Variants in CDH23 observed in about 807,000 individuals in gnomAD.
CDH23 encodes the protein cadherin related 23, also known as cadherin-23.
Under a neutral mutation model 317.1 loss-of-function variants are expected in CDH23, and 189 were observed. That is an observed-to-expected ratio of 0.60 (90% CI 0.53 to 0.67). The LOEUF is 0.67. Ranked by LOEUF, CDH23 falls within the 30% of genes least tolerant of loss-of-function variation. CDH23 has a pLI of 0.00. For missense variants in CDH23, 4,401 were observed against 4,592.4 expected (o/e 0.96, Z 1.20); for synonymous variants, 1,839 against 1,876.8 (o/e 0.98, Z 0.52).
At chr10:71,422,456 A>G (rs1392679821) in intron 1 of CDH23, among the ~76,000 whole-genome samples, 1 of 152,198 alleles carries the variant, frequency 6.6e-6, no homozygotes, top group African/African-American at 2.4e-5. Flanking sequence ...ATGAAGTTCT[A>G]TAGAAAGTTT....
intron 30 of CDH23, among the ~76,000 whole-genome samples, chr10:71,727,082 C>T (rs939633732): frequency 9.2e-5 from 14 of 152,236 alleles, no homozygotes; most frequent in African/African-American, 2.9e-4. Flanking sequence ...AACCCTCACA[C>T]GTGCCCGATA....
At chr10:71,768,572 C>T (rs867468264) in intron 38 of CDH23, among the ~76,000 whole-genome samples, 2 of 152,108 alleles carry the variant, frequency 1.3e-5, no homozygotes, top group Non-Finnish European at 2.9e-5. Context: ...AACTCATGGG[C>T]TCAAGTTATC....
intron 17 of CDH23, among the ~76,000 whole-genome samples, chr10:71,680,301 A>ACCT (rs1589325663): frequency 1.3e-5 from 2 of 151,950 alleles, no homozygotes; most frequent in Non-Finnish European, 1.5e-5. Flanking sequence ...CTCATTTAAC[A>ACCT]CCTCCTCCTT....
chr10:71,496,288 T>C (rs1409028186), intron 3 of CDH23, among the ~76,000 whole-genome samples: 1 of 152,214 alleles, frequency 6.6e-6, no homozygotes, highest in Admixed American at 6.5e-5. Flanking sequence ...CTTTTTAATA[T>C]TGGGATTGGA....
At chr10:71,677,269 G>A (rs185586480) in intron 15 of CDH23, among the ~76,000 whole-genome samples, 187 bp from the exon 16 acceptor site, 4 of 146,052 alleles carry the variant, frequency 2.7e-5, no homozygotes, top group African/African-American at 7.5e-5. Context: ...CCTGATCCCC[G>A]CCACCCACCC....
At chr10:71,454,437 C>T (rs1038002777) in intron 3 of CDH23, among the ~76,000 whole-genome samples, 1 of 152,194 alleles carries the variant, frequency 6.6e-6, no homozygotes, top group African/African-American at 2.4e-5. Flanking sequence ...GAAGAAACTG[C>T]CTCTGGCTGT....
intron 55 of CDH23, among the ~76,000 whole-genome samples, chr10:71,804,956 A>T (rs776012626): frequency 2.0e-5 from 3 of 152,152 alleles, no homozygotes; most frequent in Non-Finnish European, 4.4e-5. Context: ...TTGCATTTGG[A>T]AAGATTTATG....
intron 45 of CDH23, among the ~76,000 whole-genome samples, chr10:71,789,726 G>A (rs1841192017): frequency 6.6e-6 from 1 of 152,216 alleles, no homozygotes; most frequent in African/African-American, 2.4e-5. Flanking sequence ...GACACATATA[G>A]GTACATGGGT....
intron 20 of CDH23, among the ~76,000 whole-genome samples, chr10:71,692,493 GTTCACGTTTAAAAC>G (rs1218461267): frequency 1.3e-5 from 2 of 152,200 alleles, no homozygotes; most frequent in African/African-American, 4.8e-5. Flanking sequence ...ATGCCGACAA[GTTCACGTTTAAAAC>G]TTTTTAGAGA....
intron 9 of CDH23, among the ~76,000 whole-genome samples, chr10:71,586,053 C>T (rs1177658135): frequency 2.0e-5 from 3 of 152,224 alleles, no homozygotes; most frequent in South Asian, 2.1e-4. Flanking sequence ...CTCAAGGCCT[C>T]TCCCTTCTGC....
chr10:71,671,249 G>A (rs149025157), intron 14 of CDH23, among the ~76,000 whole-genome samples: 16 of 152,262 alleles, frequency 1.1e-4, no homozygotes, highest in African/African-American at 3.9e-4. Context: ...ACAGGTGTGA[G>A]CCACCATGCC....
intron 35 of CDH23, 98 bp downstream of exon 35, chr10:71,738,745 G>T: frequency 7.1e-7 from 1 of 1,412,484 alleles, no homozygotes; most frequent in South Asian, 1.3e-5. Flanking sequence ...CCATCACCAA[G>T]CACCAGGTTC....
intron 8 of CDH23, among the ~76,000 whole-genome samples, chr10:71,576,502 G>C (rs1183839017): frequency 2.0e-5 from 3 of 152,294 alleles, no homozygotes; most frequent in East Asian, 3.9e-4. Flanking sequence ...CAGGTGAAGG[G>C]GGTGGGGGTG....
At chr10:71,600,657 C>T (rs1011737008) in intron 9 of CDH23, among the ~76,000 whole-genome samples, 6 of 151,982 alleles carry the variant, frequency 3.9e-5, no homozygotes, top group East Asian at 3.9e-4. Context: ...GCTGGGACTA[C>T]GGACACGCAC....
intron 14 of CDH23, among the ~76,000 whole-genome samples, chr10:71,667,359 A>AGAGAGAGAGT (rs58361666): frequency 0.025 from 2,829 of 111,970 alleles, 77 homozygotes; most frequent in East Asian, 0.13. Flanking sequence ...AGAGAGAGAG[A>AGAGAGAGAGT]GTGTGTGTGT....
chr10:71,608,545 T>A (rs372806756), intron 9 of CDH23, among the ~76,000 whole-genome samples: 1 of 152,220 alleles, frequency 6.6e-6, no homozygotes, highest in Non-Finnish European at 1.5e-5. Context: ...GCCTCTTACA[T>A]ACTGGTTGAC....
chr10:71,520,269 G>A (rs896705380), intron 6 of CDH23, among the ~76,000 whole-genome samples: 3 of 152,210 alleles, frequency 2.0e-5, no homozygotes, highest in African/African-American at 4.8e-5. Context: ...CAGGAAATGT[G>A]TGGGAAACAT....
chr10:71,528,047 G>A (rs1417376847), intron 6 of CDH23, among the ~76,000 whole-genome samples: 4 of 152,138 alleles, frequency 2.6e-5, no homozygotes, highest in African/African-American at 7.2e-5. Flanking sequence ...CTAGCTTCCC[G>A]GCTGGTCAGT....
chr10:71,660,467 C>T (rs1863602815), intron 14 of CDH23, among the ~76,000 whole-genome samples: 1 of 152,116 alleles, frequency 6.6e-6, no homozygotes, highest in East Asian at 1.9e-4. Flanking sequence ...TTCATGGTCC[C>T]AGGTGGTTGC....
Sources: allele counts gnomAD v4.1 joint callset (sites outside exome capture counted in the v4.1 genomes callset), GRCh38; gene constraint gnomAD v4.1.1; transcripts MANE v1.5; gene names NCBI Gene and HGNC (gene_info 2026-07-23, HGNC 2026-07-21).